Variants in HPSE2 observed in about 807,000 individuals in gnomAD.
HPSE2 encodes the protein heparanase 2 (inactive).
A neutral mutation model predicts 60.5 loss-of-function variants in HPSE2; 38 were observed. That is an observed-to-expected ratio of 0.63 (90% confidence interval 0.48 to 0.82). The LOEUF is 0.82. Ranked by LOEUF, HPSE2 falls within the 40% of genes least tolerant of loss-of-function variation. The pLI is 0.00. For missense variants in HPSE2, 713 were observed against 740.4 expected (o/e 0.96, Z 0.43); for synonymous variants, 295 against 293.2 (o/e 1.01, Z -0.06).
intron 3 of HPSE2, among the ~76,000 whole-genome samples, chr10:99,136,418 C>G (rs1845656295): frequency 6.6e-6 from 1 of 152,106 alleles, no homozygotes; most frequent in African/African-American, 2.4e-5. Flanking sequence ...GATACCAAAG[C>G]CTGGCAGAGA....
intron 2 of HPSE2, among the ~76,000 whole-genome samples, chr10:99,226,831 G>C (rs997745608): frequency 6.6e-6 from 1 of 151,958 alleles, no homozygotes; most frequent in African/African-American, 2.4e-5. Flanking sequence ...AGTTCCACCC[G>C]CTAAGTCCAA....
At chr10:98,514,774 A>G (rs953240872) in intron 9 of HPSE2, among the ~76,000 whole-genome samples, 1 of 133,578 alleles carries the variant, frequency 7.5e-6, no homozygotes, top group African/African-American at 2.9e-5. Flanking sequence ...GCTGGAATGC[A>G]GTGGTGCGAT....
Position 98,980,884 on chromosome 10 carries a change from G to A in HPSE2, c.610+163354C>T, listed in dbSNP as rs939074872. Reference sequence around the variant, plus strand: ...TGTGTCGGAGCTATGTATTTTGGTTGCCAAATCAAAATATTTTTCCTCTAT... The same window carrying A: ...TGTGTCGGAGCTATGTATTTTGGTTACCAAATCAAAATATTTTTCCTCTAT... On this transcript the variant is annotated intron_variant, in intron 3 of 11. Coordinates refer to ENST00000370552, the MANE Select transcript of HPSE2 (RefSeq NM_021828.5). 4.6e-5 allele frequency among the ~76,000 whole-genome samples: 7 copies of A among 152,062 alleles called. No homozygotes were observed. The South Asian group carries it at 1.5e-3, about 32-fold the overall frequency.
intron 9 of HPSE2, among the ~76,000 whole-genome samples, chr10:98,548,163 C>T (rs1469300136): frequency 6.6e-6 from 1 of 152,014 alleles, no homozygotes; most frequent in Non-Finnish European, 1.5e-5. Context: ...GCATTATGGC[C>T]ACAGAGAAGA....
chr10:98,665,784 A>G (rs1947347478), intron 6 of HPSE2, among the ~76,000 whole-genome samples: 1 of 152,226 alleles, frequency 6.6e-6, no homozygotes, highest in African/African-American at 2.4e-5. Flanking sequence ...TCCTTAAGGG[A>G]GTGCTAAACA....
At chr10:99,311,190 A>G in the HPSE2 span, among the ~76,000 whole-genome samples, 3 of 152,232 alleles carry the variant, frequency 2.0e-5, no homozygotes, top group Non-Finnish European at 4.4e-5. Flanking sequence ...GACAATTACT[A>G]TTAGTACCCA....
chr10:98,943,489 CT>C, intron 3 of HPSE2, among the ~76,000 whole-genome samples: 1 of 152,190 alleles, frequency 6.6e-6, no homozygotes, highest in East Asian at 1.9e-4. Context: ...ATCCCCACCC[CT>C]TCGTATTCAT....
intron 3 of HPSE2, among the ~76,000 whole-genome samples, chr10:98,835,059 G>A (rs971321766): frequency 6.6e-6 from 1 of 152,104 alleles, no homozygotes; most frequent in African/African-American, 2.4e-5. Context: ...TTTGGCGGGG[G>A]AAGGGGGTGG....
chr10:99,115,703 T>C (rs1187951217), intron 3 of HPSE2, among the ~76,000 whole-genome samples: 1 of 152,210 alleles, frequency 6.6e-6, no homozygotes, highest in Non-Finnish European at 1.5e-5. Flanking sequence ...TCTGATCATA[T>C]GTATAAAATA....
intron 3 of HPSE2, among the ~76,000 whole-genome samples, chr10:99,080,818 A>G (rs1174736148): frequency 6.6e-6 from 1 of 152,202 alleles, no homozygotes; most frequent in Non-Finnish European, 1.5e-5. Flanking sequence ...TAGCATATAC[A>G]ATGAGGTTTT....
chr10:99,056,029 T>G (rs1265801706), intron 3 of HPSE2, among the ~76,000 whole-genome samples: 2 of 152,010 alleles, frequency 1.3e-5, no homozygotes, highest in Non-Finnish European at 2.9e-5. Flanking sequence ...AAGTTTTTCT[T>G]TTAAAGAATT....
At chr10:98,918,577 G>A (rs1954190417) in intron 3 of HPSE2, among the ~76,000 whole-genome samples, 1 of 148,350 alleles carries the variant, frequency 6.7e-6, no homozygotes, top group African/African-American at 2.5e-5. Flanking sequence ...ACTATCGCAA[G>A]GACAAAAAAC....
At chr10:99,121,010 G>A (rs1159899750) in intron 3 of HPSE2, among the ~76,000 whole-genome samples, 1 of 152,174 alleles carries the variant, frequency 6.6e-6, no homozygotes, top group Admixed American at 6.5e-5. Flanking sequence ...ACATGCGTAT[G>A]TTCATTGCAG....
intron 9 of HPSE2, among the ~76,000 whole-genome samples, chr10:98,534,139 T>C (rs1290798388): frequency 6.6e-6 from 1 of 152,202 alleles, no homozygotes; most frequent in African/African-American, 2.4e-5. Context: ...TATGGAGGAA[T>C]GGGTGGCATC....
At chr10:98,747,867 T>C (rs1400259506) in intron 3 of HPSE2, among the ~76,000 whole-genome samples, 1 of 152,228 alleles carries the variant, frequency 6.6e-6, no homozygotes, top group African/African-American at 2.4e-5. Flanking sequence ...CCGTATCTTA[T>C]ATCCTTCATA....
At chr10:98,470,528 G>T (rs1464450809) in intron 11 of HPSE2, among the ~76,000 whole-genome samples, 1 of 152,190 alleles carries the variant, frequency 6.6e-6, no homozygotes, top group African/African-American at 2.4e-5. Context: ...CCCACTATAG[G>T]GATAAGCTGG....
intron 3 of HPSE2, among the ~76,000 whole-genome samples, chr10:98,940,742 C>A (rs1162198189): frequency 1.4e-5 from 2 of 142,648 alleles, no homozygotes; most frequent in African/African-American, 5.8e-5. Flanking sequence ...ATAAGGCCAG[C>A]ATCATCCTGA....
chr10:99,072,897 C>T (rs1238335223), intron 3 of HPSE2, among the ~76,000 whole-genome samples: 1 of 133,620 alleles, frequency 7.5e-6, no homozygotes, highest in African/African-American at 2.9e-5. Context: ...CCACTGCACT[C>T]CAGCCTGGTG....
At chr10:99,136,943 G>T (rs1265604025) in intron 3 of HPSE2, among the ~76,000 whole-genome samples, 1 of 152,210 alleles carries the variant, frequency 6.6e-6, no homozygotes, top group African/African-American at 2.4e-5. Context: ...AAGAGAGGAA[G>T]TCAAATTGTC....
Sources: gnomAD v4.1 joint callset for allele counts (sites outside exome capture counted in the v4.1 genomes callset) on GRCh38, gnomAD v4.1.1 for gene constraint, MANE v1.5 for transcripts, NCBI Gene and HGNC (gene_info 2026-07-23, HGNC 2026-07-21) for gene names.